GRIA1: variants seen among roughly 807,000 people sequenced by gnomAD.
GRIA1 encodes glutamate ionotropic receptor AMPA type subunit 1.
A neutral mutation model predicts 99.2 loss-of-function variants in GRIA1; 31 were observed. That is an observed-to-expected ratio of 0.31 (90% CI 0.23 to 0.42). The LOEUF is 0.42. GRIA1 is among the 10% of genes least tolerant of loss of function. The pLI is 1.00. For missense variants in GRIA1, 782 were observed against 1,157.5 expected (o/e 0.68, Z 4.71); for synonymous variants, 438 against 432.4 (o/e 1.01, Z -0.16).
Position 153,674,627 on chromosome 5 carries a change from G to A in GRIA1, c.827G>A (p.Arg276Gln), listed in dbSNP as rs756305797. 3 of 1,614,026 alleles carry A rather than the reference G, an allele frequency of 1.9e-6. No individual in the cohort carries two copies. The highest frequency in any genetic ancestry group is 1.7e-6 in the Non-Finnish European group (2 of 1,179,954). Reference protein sequence around the residue: ...IMQQWKNSDARDHTRVDWKRP... With the variant: ...IMQQWKNSDAQDHTRVDWKRP... Reference sequence around the variant, plus strand: ...CAGCAGTGGAAGAATAGTGATGCTCGAGACCACACACGGGTGGACTGGAAG... The same window carrying A: ...CAGCAGTGGAAGAATAGTGATGCTCAAGACCACACACGGGTGGACTGGAAG... The change falls in exon 6 of 16, where the codon CGA (arginine) becomes CAA (glutamine). Residue 276 changes from arginine to glutamine, a missense_variant. By Grantham distance (43) the Arg-to-Gln change is conservative. This residue lies in a region of GRIA1 where 461 missense variants were observed against 521.7 expected (regional missense o/e 0.88). Transcript: ENST00000285900.
At chr5:153,635,467 G>A (rs1317759388) in intron 2 of GRIA1, among the ~76,000 whole-genome samples, 1 of 152,188 alleles carries the variant, frequency 6.6e-6, no homozygotes, top group Non-Finnish European at 1.5e-5. Context: ...CCCAAAGGCT[G>A]CACAAAGGCA....
chr5:153,624,638 T>C (rs918083948), intron 2 of GRIA1, among the ~76,000 whole-genome samples: 1 of 152,212 alleles, frequency 6.6e-6, no homozygotes, highest in Non-Finnish European at 1.5e-5. Context: ...TCATTGTACA[T>C]TTTACAGGTT....
At chr5:153,712,738 C>T (rs1759405761) in intron 11 of GRIA1, among the ~76,000 whole-genome samples, 1 of 152,174 alleles carries the variant, frequency 6.6e-6, no homozygotes, top group Non-Finnish European at 1.5e-5. Flanking sequence ...GGAACAGTGT[C>T]ACAAGGATGT....
At chr5:153,555,192 G>A (rs752174315) in intron 2 of GRIA1, among the ~76,000 whole-genome samples, 2 of 151,710 alleles carry the variant, frequency 1.3e-5, no homozygotes, top group Non-Finnish European at 2.9e-5. Context: ...CACTACAGCA[G>A]CGTTTTGCAA....
intron 2 of GRIA1, among the ~76,000 whole-genome samples, chr5:153,553,986 C>T (rs1372159332): frequency 6.6e-6 from 1 of 152,154 alleles, no homozygotes; most frequent in Admixed American, 6.5e-5. Context: ...GGTCCTTACC[C>T]TCCCCCTTCC....
chr5:153,790,265 G>T (rs1765216681), intron 13 of GRIA1, among the ~76,000 whole-genome samples: 1 of 152,128 alleles, frequency 6.6e-6, no homozygotes, highest in Non-Finnish European at 1.5e-5. Context: ...AGTCTTTGAG[G>T]TTCATCCCAT....
At chr5:153,772,682 CTT>C (rs947857537) in intron 13 of GRIA1, among the ~76,000 whole-genome samples, 6 of 152,132 alleles carry the variant, frequency 3.9e-5, no homozygotes, top group African/African-American at 7.2e-5. Context: ...CTAAAAGACT[CTT>C]TACAAGTTTG....
At chr5:153,544,165 G>A (rs1759400251) in intron 2 of GRIA1, among the ~76,000 whole-genome samples, 2 of 152,216 alleles carry the variant, frequency 1.3e-5, no homozygotes, top group South Asian at 4.1e-4. Flanking sequence ...CTAGGAATGG[G>A]ATTATGCAGG....
chr5:153,513,970 G>C (rs1230394556), intron 2 of GRIA1, among the ~76,000 whole-genome samples: 1 of 151,982 alleles, frequency 6.6e-6, no homozygotes, highest in South Asian at 2.1e-4. Context: ...CCTCTATTTT[G>C]GTTCAACACC....
rs77472589 is a variant in GRIA1 at position 153,620,362 on chromosome 5, C to G, written c.221-26566C>G. Among the ~76,000 whole-genome samples, 784 of 151,872 alleles carry G rather than the reference C, an allele frequency of 5.2e-3. 38 individuals carry two copies. The East Asian group carries it at 0.12, about 23-fold the overall frequency. ...CTCTGAGATTCTACTTGAGACAATG[C>G]GACAAGCACTTAAAGGAACACCAAA... On this transcript the variant is annotated intron_variant, in intron 2 of 15. Transcript: ENST00000285900.
chr5:153,591,410 C>T (rs1251275511), intron 2 of GRIA1, among the ~76,000 whole-genome samples: 1 of 152,166 alleles, frequency 6.6e-6, no homozygotes, highest in African/African-American at 2.4e-5. Context: ...GAGTATCGCA[C>T]GAAAACCCTG....
intron 8 of GRIA1, among the ~76,000 whole-genome samples, chr5:153,696,348 C>T (rs1758098526): frequency 6.6e-6 from 1 of 152,214 alleles, no homozygotes; most frequent in Non-Finnish European, 1.5e-5. Context: ...AGAGCCCAAT[C>T]CCTTCTTAGG....
intron 4 of GRIA1, among the ~76,000 whole-genome samples, chr5:153,654,693 G>A (rs544223678): frequency 6.6e-6 from 1 of 152,234 alleles, no homozygotes; most frequent in South Asian, 2.1e-4. Flanking sequence ...TCTGAATGTG[G>A]ATTTTAATAA....
At chr5:153,573,019 T>G (rs941613221) in intron 2 of GRIA1, among the ~76,000 whole-genome samples, 5 of 152,162 alleles carry the variant, frequency 3.3e-5, no homozygotes, top group Non-Finnish European at 7.4e-5. Context: ...CAGCAGGAGA[T>G]GCTCACAAAA....
intron 11 of GRIA1, among the ~76,000 whole-genome samples, chr5:153,760,890 A>G (rs1763139098): frequency 6.6e-6 from 1 of 152,104 alleles, no homozygotes. Context: ...TTTACAGCCA[A>G]CTGATTTTCA....
intron 5 of GRIA1, among the ~76,000 whole-genome samples, chr5:153,662,176 T>C (rs1016590107): frequency 7.2e-5 from 11 of 152,296 alleles, no homozygotes; most frequent in African/African-American, 2.4e-4. Flanking sequence ...GCACCTTCAG[T>C]CTGGACACAC....
At chr5:153,792,948 T>C (rs867158305) in intron 13 of GRIA1, among the ~76,000 whole-genome samples, 2 of 152,188 alleles carry the variant, frequency 1.3e-5, no homozygotes, top group South Asian at 4.1e-4. Context: ...TATGAACTCC[T>C]TTTCAGACAG....
At chr5:153,579,699 A>AT (rs1422001102) in intron 2 of GRIA1, among the ~76,000 whole-genome samples, 1 of 152,168 alleles carries the variant, frequency 6.6e-6, no homozygotes, top group Non-Finnish European at 1.5e-5. Context: ...TCACACTCAC[A>AT]TGCAGAGGTA....
chr5:153,495,834 G>A (rs553724478), intron 2 of GRIA1, among the ~76,000 whole-genome samples: 1 of 152,272 alleles, frequency 6.6e-6, no homozygotes, highest in Non-Finnish European at 1.5e-5. Context: ...GCTTTGATTA[G>A]GGTCTTTGGA....
Sources: allele counts gnomAD v4.1 joint callset (sites outside exome capture counted in the v4.1 genomes callset), GRCh38; gene constraint gnomAD v4.1.1; regional missense constraint gnomAD v4.1.1; transcripts MANE v1.5; gene names NCBI Gene and HGNC (gene_info 2026-07-23, HGNC 2026-07-21).